PPTC7: variants seen among roughly 807,000 people sequenced by gnomAD.
The protein encoded by PPTC7 is protein phosphatase PTC7 homolog.
In PPTC7, 6 loss-of-function variants were observed where a neutral mutation model predicts 30.8. The observed-to-expected ratio is 0.19, with a 90% confidence interval of 0.11 to 0.38. The LOEUF is 0.38. PPTC7 is among the 10% of genes least tolerant of loss of function. The pLI, the probability that PPTC7 is intolerant of heterozygous loss-of-function variation, is 1.00. For missense variants in PPTC7, 218 were observed against 404.8 expected (o/e 0.54, Z 3.96); for synonymous variants, 163 against 168.1 (o/e 0.97, Z 0.23).
At chr12:110,578,157 A>G (rs897358218) in intron 1 of PPTC7, among the ~76,000 whole-genome samples, 3 of 152,210 alleles carry the variant, frequency 2.0e-5, no homozygotes, top group Admixed American at 6.5e-5. Context: ...GTGAGGTGAA[A>G]AAAACTAGAC....
chr12:110,562,150 T>TGGCGCATGCCTGTA (rs1481537527), intron 1 of PPTC7, among the ~76,000 whole-genome samples: 15 of 151,810 alleles, frequency 9.9e-5, no homozygotes, highest in African/African-American at 3.6e-4. Context: ...CCATGCCTGG[T>TGGCGCATGCCTGTA]GGCGCATGCC....
chr12:110,554,186 T>C (rs1211066860), intron 1 of PPTC7, among the ~76,000 whole-genome samples: 1 of 152,218 alleles, frequency 6.6e-6, no homozygotes, highest in Admixed American at 6.5e-5. Flanking sequence ...ACTATTATTA[T>C]TTTTAGAGAC....
At chr12:110,569,996 G>GAAC (rs773658520) in intron 1 of PPTC7, among the ~76,000 whole-genome samples, 31 of 152,184 alleles carry the variant, frequency 2.0e-4, no homozygotes, top group South Asian at 4.1e-4. Context: ...CAAGATCCTG[G>GAAC]AACAACAACA....
At chr12:110,553,590 A>C (rs1349515110) in intron 1 of PPTC7, among the ~76,000 whole-genome samples, 1 of 151,982 alleles carries the variant, frequency 6.6e-6, no homozygotes, top group Non-Finnish European at 1.5e-5. Context: ...ACCTGCTTGG[A>C]CAACACAGTG....
chr12:110,582,423 G>A (rs1001288106), intron 1 of PPTC7, among the ~76,000 whole-genome samples: 1 of 152,204 alleles, frequency 6.6e-6, no homozygotes, highest in Non-Finnish European at 1.5e-5. Context: ...GGATCCCCGG[G>A]GCATGCGGAG....
At chr12:110,564,081 G>T (rs137937061) in intron 1 of PPTC7, among the ~76,000 whole-genome samples, 4 of 152,204 alleles carry the variant, frequency 2.6e-5, no homozygotes, top group African/African-American at 9.7e-5. Context: ...ATGAATCACT[G>T]GTCTGCCTTC....
chr12:110,540,924 C>T (rs2064254222), intron 3 of PPTC7, among the ~76,000 whole-genome samples: 1 of 151,668 alleles, frequency 6.6e-6, no homozygotes, highest in African/African-American at 2.4e-5. Flanking sequence ...TACAGGTGCC[C>T]GCAACCATGC....
chr12:110,545,081 C>T (rs1353095001), intron 3 of PPTC7, among the ~76,000 whole-genome samples: 1 of 151,738 alleles, frequency 6.6e-6, no homozygotes, highest in African/African-American at 2.4e-5. Context: ...ACCTCAAGAC[C>T]ATTTTGGTTT....
At chr12:110,566,236 T>C (rs931061580) in intron 1 of PPTC7, among the ~76,000 whole-genome samples, 2 of 152,232 alleles carry the variant, frequency 1.3e-5, no homozygotes, top group African/African-American at 4.8e-5. Context: ...TTTTAACTAA[T>C]AGTTAACAGT....
chr12:110,548,557 C>A (rs1028696798), intron 2 of PPTC7, among the ~76,000 whole-genome samples: 1 of 152,168 alleles, frequency 6.6e-6, no homozygotes, highest in Non-Finnish European at 1.5e-5. Context: ...TAACTCAGTG[C>A]ACATCAACTC....
chr12:110,562,396 A>G (rs1000567735), intron 1 of PPTC7, among the ~76,000 whole-genome samples: 9 of 151,948 alleles, frequency 5.9e-5, no homozygotes, highest in African/African-American at 1.9e-4. Flanking sequence ...GAAAAATGTC[A>G]TGTGCTTTTT....
intron 1 of PPTC7, among the ~76,000 whole-genome samples, chr12:110,564,637 G>T (rs1002819646): frequency 6.6e-6 from 1 of 152,070 alleles, no homozygotes; most frequent in Non-Finnish European, 1.5e-5. Flanking sequence ...GAGGTCTATA[G>T]TCACATGCGG....
chr12:110,573,160 G>A (rs775545529), intron 1 of PPTC7, among the ~76,000 whole-genome samples: 1 of 152,180 alleles, frequency 6.6e-6, no homozygotes, highest in South Asian at 2.1e-4. Flanking sequence ...GATTATAGGC[G>A]TGAGCCACCA....
intron 1 of PPTC7, among the ~76,000 whole-genome samples, chr12:110,561,940 C>CA (rs946931001): frequency 3.3e-5 from 5 of 151,150 alleles, no homozygotes; most frequent in Non-Finnish European, 5.9e-5. Context: ...AGACCTGCCT[C>CA]AAAAAAAACC....
intron 1 of PPTC7, among the ~76,000 whole-genome samples, chr12:110,565,740 T>C (rs1344004003): frequency 6.6e-6 from 1 of 152,228 alleles, no homozygotes; most frequent in African/African-American, 2.4e-5. Flanking sequence ...AAGATTTATA[T>C]GTAATAAAAT....
At chr12:110,544,884 T>G (rs2064292901) in intron 3 of PPTC7, among the ~76,000 whole-genome samples, 1 of 152,124 alleles carries the variant, frequency 6.6e-6, no homozygotes, top group Non-Finnish European at 1.5e-5. Context: ...CTTGACAATT[T>G]AAAAGTGAAC....
intron 2 of PPTC7, among the ~76,000 whole-genome samples, chr12:110,551,251 A>G (rs183184609): frequency 1.3e-5 from 2 of 152,330 alleles, no homozygotes; most frequent in South Asian, 2.1e-4. Flanking sequence ...GTGGCATACT[A>G]TATGTTCATA....
At chr12:110,570,757 T>C (rs2064528039) in intron 1 of PPTC7, among the ~76,000 whole-genome samples, 1 of 145,846 alleles carries the variant, frequency 6.9e-6, no homozygotes, top group Admixed American at 7.0e-5. Context: ...CGTGTTTGTC[T>C]GCTGACCCTC....
chr12:110,540,026 C>T lies in PPTC7; in HGVS notation c.603-81G>A. 5 of 1,295,942 alleles carry T rather than the reference C, an allele frequency of 3.9e-6. No individual in the cohort carries two copies. The South Asian group carries it at 8.1e-5, about 21-fold the overall frequency. 80.3% of individuals were successfully genotyped at this position (1,295,942 alleles called of 1,614,324 possible). Reference sequence around the variant, plus strand: ...AAAATGTCCTACAGGCACTATTTTACAATGTAATAAGCTTTCTGCAAGAAA... The same window carrying T: ...AAAATGTCCTACAGGCACTATTTTATAATGTAATAAGCTTTCTGCAAGAAA... On this transcript the variant is annotated intron_variant, in intron 3 of 5. Transcript: ENST00000354300.
Sources: allele counts gnomAD v4.1 joint callset (sites outside exome capture counted in the v4.1 genomes callset), GRCh38; gene constraint gnomAD v4.1.1; transcripts MANE v1.5; gene names NCBI Gene and HGNC (gene_info 2026-07-23, HGNC 2026-07-21).